Variants in APBA2 observed in about 807,000 individuals in gnomAD.
The protein encoded by APBA2 is amyloid-beta A4 precursor protein-binding family A member 2.
In APBA2, 30 loss-of-function variants were observed where a neutral mutation model predicts 75.0. The observed-to-expected ratio is 0.40, with a 90% confidence interval of 0.30 to 0.54. The LOEUF (loss-of-function observed/expected upper bound fraction) is 0.54. APBA2 is among the 20% of genes least tolerant of loss of function. The pLI is 0.49. For missense variants in APBA2, 801 were observed against 1,016.1 expected (o/e 0.79, Z 2.88); for synonymous variants, 444 against 409.6 (o/e 1.08, Z -1.01).
intron 9 of APBA2, 59 bp downstream of exon 9, chr15:29,098,635 G>T: frequency 7.2e-7 from 1 of 1,391,574 alleles, no homozygotes. Flanking sequence ...ACTCCTTCTT[G>T]TCCCATGGTA....
chr15:29,054,726 C>G lies in APBA2; in HGVS notation c.842C>G (p.Pro281Arg), dbSNP rs765633412. The change falls in exon 4 of 15, where the codon CCC becomes CGC. Residue 281 changes from proline to arginine, a missense_variant. Physicochemically the swap from Pro to Arg is moderately radical, Grantham distance 103. This residue lies in a region of APBA2 where 434 missense variants were observed against 471.6 expected (regional missense o/e 0.92). Coordinates refer to ENST00000683413, the MANE Select transcript of APBA2 (RefSeq NM_001353788.2). The surrounding 1 kb of genome is among the most constrained non-coding windows in gnomAD (Gnocchi z 6.1). ...AGCCCCAGCAGGCACGAGGCGAGGC[C>G]CAAGTCGCTGAACCTCCTTCCCGAG... ...SCSPSRHEAR[P>R]KSLNLLPEAK... 1 of 1,612,918 alleles carries G rather than the reference C, an allele frequency of 6.2e-7. No individual in the cohort carries two copies. The highest frequency in any genetic ancestry group is 1.1e-5 in the South Asian group (1 of 91,050).
At chr15:28,974,087 C>G (rs1206126383) in intron 2 of APBA2, among the ~76,000 whole-genome samples, 1 of 152,122 alleles carries the variant, frequency 6.6e-6, no homozygotes, top group Non-Finnish European at 1.5e-5. Context: ...CAACTCTATG[C>G]TGTATAAAGA....
At chr15:28,905,215 GTCC>G (rs2033076469) in intron 1 of APBA2, among the ~76,000 whole-genome samples, 1 of 152,144 alleles carries the variant, frequency 6.6e-6, no homozygotes, top group African/African-American at 2.4e-5. Context: ...GAGGATCTTT[GTCC>G]TCCTTTTGCA....
intron 3 of APBA2, among the ~76,000 whole-genome samples, chr15:29,015,183 C>A (rs892843396): frequency 3.3e-5 from 5 of 152,120 alleles, no homozygotes; most frequent in Admixed American, 3.3e-4. Context: ...TTGCTTGGCC[C>A]AGCATACCTG....
intron 3 of APBA2, among the ~76,000 whole-genome samples, chr15:29,018,675 T>C (rs1052192309): frequency 1.4e-4 from 21 of 152,196 alleles, no homozygotes; most frequent in Non-Finnish European, 2.9e-5. Flanking sequence ...AACTTGGCTC[T>C]TGGGCTCTCA....
chr15:28,972,625 C>T (rs1016099151), intron 2 of APBA2, among the ~76,000 whole-genome samples: 3 of 152,322 alleles, frequency 2.0e-5, no homozygotes, highest in African/African-American at 4.8e-5. Context: ...TTATGCCCAG[C>T]CAATGGTTCT....
intron 4 of APBA2, among the ~76,000 whole-genome samples, chr15:29,070,386 C>T (rs1273153554): frequency 6.6e-6 from 1 of 152,210 alleles, no homozygotes; most frequent in Non-Finnish European, 1.5e-5. Context: ...ATTCACAGGC[C>T]TGCCTAGAGA....
At chr15:29,079,432 G>C (rs559958738) in intron 6 of APBA2, among the ~76,000 whole-genome samples, 5 of 152,174 alleles carry the variant, frequency 3.3e-5, no homozygotes, top group Admixed American at 6.5e-5. Context: ...TGAATATCTA[G>C]TTGAACCTTA....
intron 8 of APBA2, among the ~76,000 whole-genome samples, chr15:29,094,558 A>G (rs962586999): frequency 3.3e-5 from 5 of 152,204 alleles, no homozygotes; most frequent in Admixed American, 6.5e-5. Context: ...TGTGTACTGT[A>G]TGGATAATGC....
In APBA2 at chr15:29,054,417, A is replaced by T; in HGVS notation, c.533A>T (p.His178Leu). ...PEDEPSVLEA[H>L]DQEEDGHYCA... ...GATGAGCCCTCCGTCCTTGAGGCCC[A>T]TGACCAGGAAGAAGATGGTCACTAC... Residue 178 changes from histidine (H) to leucine (L), a missense_variant, in exon 4 of 15, where the codon CAT becomes CTT. His to Leu is a moderately conservative substitution (Grantham distance 99). Transcript: ENST00000683413. The surrounding 1 kb of genome is among the most constrained non-coding windows in gnomAD (Gnocchi z 6.1). 1 of 1,614,134 alleles carries T rather than the reference A, an allele frequency of 6.2e-7. No homozygotes were observed. The highest frequency in any genetic ancestry group is 8.5e-7 in the Non-Finnish European group (1 of 1,180,038).
intron 1 of APBA2, among the ~76,000 whole-genome samples, chr15:28,892,365 A>G (rs1451690889): frequency 1.3e-5 from 2 of 152,116 alleles, no homozygotes; most frequent in East Asian, 1.9e-4. Flanking sequence ...GTGAGCCACC[A>G]CGCCTGGCCC....
intron 2 of APBA2, among the ~76,000 whole-genome samples, chr15:28,963,811 G>A (rs536265513): frequency 6.6e-6 from 1 of 152,248 alleles, no homozygotes; most frequent in South Asian, 2.1e-4. Context: ...TATGCATAAC[G>A]ATAGTACAAT....
At chr15:28,931,831 A>G (rs1264066028) in intron 2 of APBA2, among the ~76,000 whole-genome samples, 1 of 152,242 alleles carries the variant, frequency 6.6e-6, no homozygotes, top group African/African-American at 2.4e-5. Context: ...GTATTTGGAG[A>G]TCCCATTTAA....
chr15:29,062,495 G>T (rs2042173411), intron 4 of APBA2, among the ~76,000 whole-genome samples: 1 of 152,172 alleles, frequency 6.6e-6, no homozygotes, highest in South Asian at 2.1e-4. Context: ...GGGCCCATTT[G>T]CTGAGTCAGC....
intron 1 of APBA2, among the ~76,000 whole-genome samples, chr15:28,886,490 C>T (rs2031733310): frequency 7.5e-6 from 1 of 133,948 alleles, no homozygotes; most frequent in South Asian, 2.7e-4. Context: ...TCTGACCGGC[C>T]GCTTCCCCCT....
At chr15:29,057,760 G>T (rs1289323199) in intron 4 of APBA2, among the ~76,000 whole-genome samples, 1 of 152,166 alleles carries the variant, frequency 6.6e-6, no homozygotes. Flanking sequence ...TGCAGATTGT[G>T]AGTGGCATTT....
intron 3 of APBA2, among the ~76,000 whole-genome samples, chr15:29,001,978 G>A (rs1435152852): frequency 6.6e-6 from 1 of 152,082 alleles, no homozygotes; most frequent in African/African-American, 2.4e-5. Flanking sequence ...TGTGCAAGCT[G>A]GCATTCTCAA....
intron 2 of APBA2, chr15:28,990,463 G>A (rs1255732629): frequency 6.6e-6 from 1 of 151,714 alleles, no homozygotes; most frequent in Non-Finnish European, 1.5e-5. Flanking sequence ...ATTTAAGTGA[G>A]CCTCAGATAA....
intron 1 of APBA2, among the ~76,000 whole-genome samples, chr15:28,886,495 C>T (rs1164943493): frequency 1.8e-4 from 26 of 148,282 alleles, no homozygotes; most frequent in Admixed American, 1.2e-3. Flanking sequence ...CCGGCCGCTT[C>T]CCCCTCCCAC....
Sources: gnomAD v4.1 joint callset for allele counts (sites outside exome capture counted in the v4.1 genomes callset) on GRCh38, gnomAD v4.1.1 for gene constraint, gnomAD v4.1.1 regional missense constraint, Gnocchi (gnomAD v3.1) non-coding constraint, MANE v1.5 for transcripts, NCBI Gene and HGNC (gene_info 2026-07-23, HGNC 2026-07-21) for gene names.